BTRC: variants seen among roughly 807,000 people sequenced by gnomAD.
BTRC encodes F-box/WD repeat-containing protein 1A.
BTRC carries 42 observed loss-of-function variants against 85.5 expected under a neutral mutation model. The ratio of observed to expected loss-of-function variants is 0.49; its 90% CI spans 0.38 to 0.64. The LOEUF (loss-of-function observed/expected upper bound fraction) is 0.64. Ranked by LOEUF, BTRC falls within the 30% of genes least tolerant of loss-of-function variation. The probability of loss-of-function intolerance (pLI) is 0.00; values close to 1 mark genes in which losing one functional copy is unlikely to be tolerated. For missense variants in BTRC, 594 were observed against 743.5 expected (o/e 0.80, Z 2.34); for synonymous variants, 255 against 263.3 (o/e 0.97, Z 0.30).
chr10:101,483,485 C>T (rs1210462192), intron 4 of BTRC, among the ~76,000 whole-genome samples: 1 of 152,026 alleles, frequency 6.6e-6, no homozygotes, highest in Admixed American at 6.6e-5. Flanking sequence ...CCCAGCTACT[C>T]AGGAGGCTGA....
intron 4 of BTRC, among the ~76,000 whole-genome samples, chr10:101,500,850 G>A (rs532303915): frequency 1.3e-5 from 2 of 152,252 alleles, no homozygotes; most frequent in Admixed American, 1.3e-4. Flanking sequence ...ACCTATTCTT[G>A]GGGTTATAGA....
At chr10:101,425,395 A>G (rs1944223134) in intron 1 of BTRC, among the ~76,000 whole-genome samples, 2 of 152,066 alleles carry the variant, frequency 1.3e-5, no homozygotes, top group Admixed American at 1.3e-4. Context: ...ACTTTCTTTG[A>G]TTTTGCAAAG....
chr10:101,488,527 T>C (rs959031241), intron 4 of BTRC, among the ~76,000 whole-genome samples: 2 of 152,200 alleles, frequency 1.3e-5, no homozygotes, highest in Admixed American at 6.5e-5. Context: ...TATTAGGCTA[T>C]AGAAGACATA....
At chr10:101,532,223 T>C in intron 7 of BTRC, 72 bp from the exon 8 acceptor site, 6 of 1,488,884 alleles carry the variant, frequency 4.0e-6, no homozygotes, top group Non-Finnish European at 5.4e-6. Flanking sequence ...CCATTGATTG[T>C]CATTAAAGCC....
At chr10:101,532,078 G>T (rs899602414) in intron 7 of BTRC, among the ~76,000 whole-genome samples, 2 of 152,144 alleles carry the variant, frequency 1.3e-5, no homozygotes, top group Non-Finnish European at 2.9e-5. Context: ...CAAATTATAG[G>T]CAGGGAAGTT....
intron 4 of BTRC, among the ~76,000 whole-genome samples, chr10:101,512,082 A>G (rs1323902342): frequency 6.6e-6 from 1 of 152,192 alleles, no homozygotes; most frequent in Non-Finnish European, 1.5e-5. Flanking sequence ...GCCTGTTCAC[A>G]GCAGTTTCCC....
chr10:101,386,730 G>A (rs1943088619), intron 1 of BTRC, among the ~76,000 whole-genome samples: 1 of 152,102 alleles, frequency 6.6e-6, no homozygotes, highest in African/African-American at 2.4e-5. Flanking sequence ...AAGTCTAGTT[G>A]GTGCTTTTCC....
At chr10:101,544,186 G>A (rs1359594320) in intron 13 of BTRC, among the ~76,000 whole-genome samples, 2 of 152,188 alleles carry the variant, frequency 1.3e-5, no homozygotes, top group African/African-American at 4.8e-5. Context: ...TGGGATTACA[G>A]GCATGAGCCA....
chr10:101,480,974 A>G (rs1417479345), intron 4 of BTRC, among the ~76,000 whole-genome samples: 2 of 152,132 alleles, frequency 1.3e-5, no homozygotes, highest in Admixed American at 1.3e-4. Context: ...GTAGAGTGCA[A>G]TGGCACTAAT....
Position 101,448,267 on chromosome 10 carries a change from A to T in BTRC, c.157-13714A>T, listed in dbSNP as rs528909881. ...CAGTTCCTTCTATTGGAGAAAAAACATCTTTTAAAAATTTGTTACTTACAC... is the reference window on the plus strand; with the variant it reads ...CAGTTCCTTCTATTGGAGAAAAAACTTCTTTTAAAAATTTGTTACTTACAC... On this transcript the variant is annotated intron_variant, in intron 2 of 14. Coordinates refer to ENST00000370187, the MANE Select transcript of BTRC (RefSeq NM_033637.4). Among the ~76,000 whole-genome samples the T allele has an allele frequency of 3.3e-5, 5 of 152,244 alleles. No homozygotes were observed. In the South Asian group the frequency reaches 6.2e-4, roughly 19 times the overall value.
intron 4 of BTRC, among the ~76,000 whole-genome samples, chr10:101,499,047 A>G (rs1320413083): frequency 1.3e-5 from 2 of 152,174 alleles, no homozygotes; most frequent in African/African-American, 2.4e-5. Flanking sequence ...AACCATGTAC[A>G]TGCTAGATCC....
chr10:101,374,849 T>G (rs988656608), intron 1 of BTRC, among the ~76,000 whole-genome samples: 1 of 152,112 alleles, frequency 6.6e-6, no homozygotes, highest in Non-Finnish European at 1.5e-5. Flanking sequence ...ATTGAAGATC[T>G]CTGGACCAGC....
rs1388257290 is a variant in BTRC, at chr10:101,501,247, T to C, written c.325-20392T>C. Among the ~76,000 whole-genome samples the C allele has an allele frequency of 3.3e-5, 5 of 152,038 alleles. No individual in the cohort carries two copies. In the East Asian group the frequency reaches 9.7e-4, roughly 29 times the overall value. ...ATATGATGGGTTTTAAGTAAGAACA[T>C]GTGAAGAATGAATCTCTATTTTTAA... is the stretch of plus-strand genomic sequence containing the variant. On this transcript the variant is annotated intron_variant, in intron 4 of 14. Coordinates refer to ENST00000370187, the MANE Select transcript of BTRC (RefSeq NM_033637.4).
At chr10:101,499,953 A>G (rs781462944) in intron 4 of BTRC, among the ~76,000 whole-genome samples, 19 of 151,896 alleles carry the variant, frequency 1.3e-4, no homozygotes, top group Non-Finnish European at 1.8e-4. Flanking sequence ...TCTGCAATAC[A>G]GCAGGCTATG....
chr10:101,505,342 G>A lies in BTRC; in HGVS notation c.325-16297G>A, dbSNP rs867925418. ...TTTTTAAATAAACAGAAAGATGGCC[G>A]GGCGCGGTGGCTTACGCCTGTAATC... On this transcript the variant is annotated intron_variant, in intron 4 of 14. Coordinates refer to ENST00000370187, the MANE Select transcript of BTRC (RefSeq NM_033637.4). 2.5e-4 allele frequency among the ~76,000 whole-genome samples: 37 copies of A among 150,234 alleles called. No homozygotes were observed. The South Asian group carries it at 3.6e-3, about 15-fold the overall frequency.
intron 4 of BTRC, among the ~76,000 whole-genome samples, chr10:101,513,652 A>T (rs2061985252): frequency 6.6e-6 from 1 of 152,212 alleles, no homozygotes; most frequent in South Asian, 2.1e-4. Context: ...CTACAGCAGC[A>T]TCACAGTTTG....
chr10:101,532,785 T>TG (rs1554895658), intron 8 of BTRC, among the ~76,000 whole-genome samples, 167 bp from the exon 9 acceptor site: 7 of 34,258 alleles, frequency 2.0e-4, no homozygotes, highest in African/African-American at 1.6e-3. Flanking sequence ...TGTGTGTGTG[T>TG]GTGTGCGCGT....
At chr10:101,513,885 G>GA (rs1238501895) in intron 4 of BTRC, among the ~76,000 whole-genome samples, 2 of 152,298 alleles carry the variant, frequency 1.3e-5, no homozygotes, top group African/African-American at 4.8e-5. Context: ...CATTAAACGT[G>GA]ACTGCCAACA....
At chr10:101,399,353 T>A (rs1218241990) in intron 1 of BTRC, among the ~76,000 whole-genome samples, 2 of 136,166 alleles carry the variant, frequency 1.5e-5, no homozygotes, top group African/African-American at 5.5e-5. Context: ...TTAGAATTTT[T>A]AAAAAGCTCA....
Sources: gnomAD v4.1 joint callset for allele counts (sites outside exome capture counted in the v4.1 genomes callset) on GRCh38, gnomAD v4.1.1 for gene constraint, MANE v1.5 for transcripts, NCBI Gene and HGNC (gene_info 2026-07-23, HGNC 2026-07-21) for gene names.